Variants in NKAIN3 observed in about 807,000 individuals in gnomAD.
NKAIN3 encodes the protein sodium/potassium-transporting ATPase subunit beta-1-interacting protein 3.
NKAIN3 carries 25 observed loss-of-function variants against 30.2 expected under a neutral mutation model. That is an observed-to-expected ratio of 0.83 (90% CI 0.60 to 1.16). The LOEUF (loss-of-function observed/expected upper bound fraction) is 1.16. Among genes scored for constraint, NKAIN3 ranks in the 50% most tolerant of loss-of-function variants. The probability of loss-of-function intolerance (pLI) is 0.00; values close to 1 mark genes in which losing one functional copy is unlikely to be tolerated. For synonymous variants in NKAIN3, 91 were observed against 89.6 expected, an observed-to-expected ratio of 1.02 and a Z score of -0.09; for missense variants, 225 against 254.1, an observed-to-expected ratio of 0.89 and a Z score of 0.78.
At chr8:62,814,428 AT>A (rs889445993) in intron 4 of NKAIN3, among the ~76,000 whole-genome samples, 2 of 151,862 alleles carry the variant, frequency 1.3e-5, no homozygotes, top group South Asian at 2.1e-4. Context: ...CAGAATATAC[AT>A]TTTTTTCAGC....
At chr8:62,285,577 T>A (rs1813355256) in intron 1 of NKAIN3, among the ~76,000 whole-genome samples, 1 of 152,082 alleles carries the variant, frequency 6.6e-6, no homozygotes, top group Non-Finnish European at 1.5e-5. Flanking sequence ...GGGCTCTGAG[T>A]TAGACTTCAG....
intron 1 of NKAIN3, among the ~76,000 whole-genome samples, chr8:62,489,825 C>T (rs905032189): frequency 3.9e-5 from 6 of 152,114 alleles, no homozygotes; most frequent in Non-Finnish European, 5.9e-5. Context: ...TTGGTGGATA[C>T]GTGGAGCAGT....
intron 3 of NKAIN3, among the ~76,000 whole-genome samples, chr8:62,679,989 A>G (rs531847763): frequency 1.3e-5 from 2 of 152,290 alleles, no homozygotes; most frequent in Admixed American, 6.5e-5. Flanking sequence ...GATCCTTTAA[A>G]AGCAGAGAAT....
intron 1 of NKAIN3, among the ~76,000 whole-genome samples, chr8:62,304,632 A>G (rs1234598638): frequency 6.6e-6 from 1 of 150,490 alleles, no homozygotes; most frequent in Non-Finnish European, 1.5e-5. Flanking sequence ...CCCAGCAGGT[A>G]TGAAGTACTA....
At chr8:62,739,845 T>C (rs572257214) in intron 3 of NKAIN3, among the ~76,000 whole-genome samples, 59 of 152,234 alleles carry the variant, frequency 3.9e-4, no homozygotes, top group Non-Finnish European at 6.8e-4. Context: ...CCTCAATCTG[T>C]AGGCTGCTCT....
intron 6 of NKAIN3, among the ~76,000 whole-genome samples, chr8:62,956,236 G>C (rs1351156333): frequency 3.3e-5 from 5 of 152,166 alleles, no homozygotes; most frequent in South Asian, 2.1e-4. Context: ...TGGAGAAAAA[G>C]CCAACCTTCT....
chr8:62,253,759 G>T (rs1382615207), intron 1 of NKAIN3, among the ~76,000 whole-genome samples: 2 of 152,150 alleles, frequency 1.3e-5, no homozygotes, highest in Non-Finnish European at 2.9e-5. Context: ...GGTGTCTGTA[G>T]GGGGGTGGTG....
At chr8:62,854,130 A>G (rs145880751) in intron 4 of NKAIN3, among the ~76,000 whole-genome samples, 2,998 of 152,230 alleles carry the variant, frequency 0.02, 96 homozygotes, top group African/African-American at 0.068. Context: ...TATGTGATCA[A>G]TTTTAGAGTA....
At chr8:62,815,177 T>C (rs981131647) in intron 4 of NKAIN3, among the ~76,000 whole-genome samples, 1 of 151,912 alleles carries the variant, frequency 6.6e-6, no homozygotes, top group Admixed American at 6.6e-5. Flanking sequence ...CAGGAAGAAG[T>C]TGAATCTCTG....
At chr8:62,486,346 A>G (rs562489793) in intron 1 of NKAIN3, among the ~76,000 whole-genome samples, 13 of 152,318 alleles carry the variant, frequency 8.5e-5, no homozygotes, top group African/African-American at 3.1e-4. Context: ...GAACGATCTT[A>G]TAAGTTAATT....
At chr8:62,863,655 C>T in intron 4 of NKAIN3, 1 of 1,343,458 alleles carries the variant, frequency 7.4e-7, no homozygotes, top group South Asian at 1.2e-5. Flanking sequence ...GGATAACTTT[C>T]TCGAACACAT....
chr8:62,501,946 A>G (rs1465452273), intron 1 of NKAIN3, among the ~76,000 whole-genome samples: 1 of 152,150 alleles, frequency 6.6e-6, no homozygotes, highest in Non-Finnish European at 1.5e-5. Context: ...TACCAACAGA[A>G]CCTAGATGGA....
At chr8:62,314,572 T>C (rs1047355006) in intron 1 of NKAIN3, among the ~76,000 whole-genome samples, 1 of 152,210 alleles carries the variant, frequency 6.6e-6, no homozygotes, top group African/African-American at 2.4e-5. Context: ...AAATATTTCC[T>C]GGCTCCAATT....
chr8:62,348,489 A>T (rs1290311024), intron 1 of NKAIN3, among the ~76,000 whole-genome samples: 1 of 152,224 alleles, frequency 6.6e-6, no homozygotes, highest in Non-Finnish European at 1.5e-5. Flanking sequence ...ATGTGTAACA[A>T]CATTAAGGTA....
intron 4 of NKAIN3, among the ~76,000 whole-genome samples, chr8:62,809,098 A>G (rs1238576516): frequency 6.6e-6 from 1 of 152,194 alleles, no homozygotes; most frequent in Non-Finnish European, 1.5e-5. Context: ...AAGAAGAGAC[A>G]TATGGCTCCG....
At chr8:62,430,493 T>C (rs777225287) in intron 1 of NKAIN3, among the ~76,000 whole-genome samples, 2 of 151,562 alleles carry the variant, frequency 1.3e-5, no homozygotes, top group Non-Finnish European at 3.0e-5. Flanking sequence ...TACTATCATT[T>C]TTAATGTTTT....
At chr8:62,670,203 C>G (rs181546849) in intron 3 of NKAIN3, among the ~76,000 whole-genome samples, 1 of 152,106 alleles carries the variant, frequency 6.6e-6, no homozygotes, top group Non-Finnish European at 1.5e-5. Flanking sequence ...CAGCCGTTCT[C>G]TCTTATGAGG....
At chr8:62,410,723 T>C (rs1057269221) in intron 1 of NKAIN3, among the ~76,000 whole-genome samples, 1 of 152,136 alleles carries the variant, frequency 6.6e-6, no homozygotes, top group Non-Finnish European at 1.5e-5. Context: ...CCTCAGAGTA[T>C]ACTATGAACA....
intron 4 of NKAIN3, among the ~76,000 whole-genome samples, chr8:62,882,881 G>A (rs1403628026): frequency 2.0e-5 from 3 of 151,972 alleles, no homozygotes; most frequent in African/African-American, 4.8e-5. Flanking sequence ...GCTGTTTCTG[G>A]GCTCTCTATT....
Sources: gnomAD v4.1 joint callset for allele counts (sites outside exome capture counted in the v4.1 genomes callset) on GRCh38, gnomAD v4.1.1 for gene constraint, MANE v1.5 for transcripts, NCBI Gene and HGNC (gene_info 2026-07-23, HGNC 2026-07-21) for gene names.